KDR: variants seen among roughly 807,000 people sequenced by gnomAD.
The protein encoded by KDR is vascular endothelial growth factor receptor 2.
KDR carries 43 observed loss-of-function variants against 160.9 expected under a neutral mutation model. The ratio of observed to expected loss-of-function variants is 0.27; its 90% confidence interval spans 0.21 to 0.34. The LOEUF (loss-of-function observed/expected upper bound fraction) is 0.34. Ranked by LOEUF, KDR falls within the 10% of genes least tolerant of loss-of-function variation. KDR has a pLI of 1.00. For missense variants in KDR, 1,469 were observed against 1,666.4 expected (o/e 0.88, Z 2.06); for synonymous variants, 617 against 600.1 (o/e 1.03, Z -0.41).
At chr4:55,095,357 G>A (rs1325167447) in intron 20 of KDR, among the ~76,000 whole-genome samples, 2 of 151,964 alleles carry the variant, frequency 1.3e-5, no homozygotes, top group Non-Finnish European at 2.9e-5. Flanking sequence ...TCTCCCCCAT[G>A]TCCACACTCT....
chr4:55,087,562 C>G, intron 27 of KDR, 45 bp downstream of exon 27: 1 of 1,595,360 alleles, frequency 6.3e-7, no homozygotes. Context: ...CCGAGATGGC[C>G]TTGAAGTCAC....
intron 20 of KDR, among the ~76,000 whole-genome samples, chr4:55,095,296 C>A (rs1720122128): frequency 6.6e-6 from 1 of 152,120 alleles, no homozygotes; most frequent in South Asian, 2.1e-4. Context: ...GACAGAATAA[C>A]CCAGAGATGT....
At chr4:55,112,694 A>G (rs1720624436) in intron 7 of KDR, among the ~76,000 whole-genome samples, 1 of 151,948 alleles carries the variant, frequency 6.6e-6, no homozygotes, top group African/African-American at 2.4e-5. Context: ...ACACCAGGCT[A>G]ATTTTTTGGA....
Position 55,125,486 on chromosome 4 carries a change from T to C in KDR, c.-193A>G. ...GTCTGCGGGTGCCGGTAGGAGAGGA[T>C]ATCCAGGCTGCCAGACGGACTTTCT... On this transcript the variant is annotated 5_prime_UTR_variant, in exon 1 of 30. It adds an upstream start codon to the 5' untranslated region. Transcript: ENST00000263923. 1.6e-6 allele frequency: 1 copy of C among 639,716 alleles called. No homozygotes were observed. The highest frequency in any genetic ancestry group is 1.9e-5 in the South Asian group (1 of 53,302). The allele number at this position is 639,716 out of a possible 1,614,324, so 39.6% of individuals were successfully genotyped here. A position where few individuals can be genotyped will look rare whatever the true frequency, so the allele number is the denominator to read the frequency against.
chr4:55,124,880 C>T (rs1720990688), intron 1 of KDR, among the ~76,000 whole-genome samples: 1 of 152,184 alleles, frequency 6.6e-6, no homozygotes, highest in Non-Finnish European at 1.5e-5. Flanking sequence ...CGCCTGTTCT[C>T]GCCTGCGGAG....
rs2110016370 is a variant in KDR, at chr4:55,096,214, C to T, written c.2728+15G>A. The T allele has an allele frequency of 6.5e-7, 1 of 1,538,574 alleles. No homozygotes were observed. Among genetic ancestry groups the T allele is most frequent in the African/African-American group, 1.4e-5 (1 of 73,492 alleles). ...TGTTAAAATTGGGTGACCAAAACCACCCACAGTTACTCACCTCCTGGCTTG... is the reference window on the plus strand; with the variant it reads ...TGTTAAAATTGGGTGACCAAAACCATCCACAGTTACTCACCTCCTGGCTTG... On this transcript the variant is annotated intron_variant, in intron 19 of 29. Transcript: ENST00000263923.
chr4:55,117,168 A>G (rs753750297), intron 3 of KDR, among the ~76,000 whole-genome samples: 7 of 152,218 alleles, frequency 4.6e-5, no homozygotes, highest in Non-Finnish European at 8.8e-5. Context: ...GGTATCTCAA[A>G]AAAAGGAAAT....
At position 55,080,855 on chromosome 4, in the gene KDR, C is replaced by G. The variant is rs1474552060; in HGVS notation, c.3849-692G>C. ...TAAAACTTCAGGATTTACACTTTCA[C>G]AAGCCATTCTAAGGTGTTTTTTCCC... On this transcript the variant is annotated intron_variant, in intron 29 of 29. Coordinates refer to ENST00000263923, the MANE Select transcript of KDR (RefSeq NM_002253.4). Among the ~76,000 whole-genome samples the G allele has an allele frequency of 2.0e-5, 3 of 152,322 alleles. No homozygotes were observed. The East Asian group carries it at 5.8e-4, about 29-fold the overall frequency.
In KDR at chr4:55,089,387, T is replaced by C. The variant is rs1268910399; in HGVS notation, c.3391A>G (p.Thr1131Ala). 4 of 1,607,876 alleles carry C rather than the reference T, an allele frequency of 2.5e-6. No individual in the cohort carries two copies. The South Asian group carries it at 3.3e-5, about 13-fold the overall frequency. ...TTAAAGTCTTACATTTCTGGTGTAG[T>C]ATAATCAGGGGCCCTCATTCTAGTT... ...EGTRMRAPDYTTPEMYQTMLD... is the reference protein window; with the variant it reads ...EGTRMRAPDYATPEMYQTMLD... The change falls in exon 25 of 30, where the codon ACT (threonine) becomes GCT (alanine). Residue 1131 changes from threonine (T) to alanine (A), a missense_variant. Thr to Ala is a moderately conservative substitution (Grantham distance 58, BLOSUM62 0). This residue lies in a region of KDR where 132 missense variants were observed against 195.9 expected (regional missense o/e 0.67). Transcript: ENST00000263923.
intron 26 of KDR, among the ~76,000 whole-genome samples, chr4:55,088,378 G>A (rs1325311956): frequency 6.6e-6 from 1 of 152,200 alleles, no homozygotes; most frequent in Admixed American, 6.5e-5. Context: ...TTCCATTGTA[G>A]TAAGAGGCAT....
At chr4:55,080,957 T>C (rs1719718547) in intron 29 of KDR, among the ~76,000 whole-genome samples, 1 of 152,254 alleles carries the variant, frequency 6.6e-6, no homozygotes, top group South Asian at 2.1e-4. Context: ...TTATACATAG[T>C]TTAAAAGTTA....
chr4:55,103,642 A>C (rs2110022072), intron 13 of KDR, among the ~76,000 whole-genome samples: 1 of 152,224 alleles, frequency 6.6e-6, no homozygotes, highest in South Asian at 2.1e-4. Context: ...ATGACACCTG[A>C]GTCTTAAAAC....
chr4:55,102,978 T>G (rs1343647893), intron 13 of KDR, among the ~76,000 whole-genome samples: 1 of 152,214 alleles, frequency 6.6e-6, no homozygotes, highest in Non-Finnish European at 1.5e-5. Context: ...AGTGATCTTA[T>G]GTAATGAGCA....
chr4:55,113,613 T>G lies in KDR; in HGVS notation c.799-132A>C, dbSNP rs997643020. 4.8e-5 allele frequency: 36 copies of G among 746,792 alleles called. No homozygotes were observed. In the East Asian group the frequency reaches 9.6e-4, roughly 20 times the overall value. 46.3% of individuals were successfully genotyped at this position (746,792 alleles called of 1,614,324 possible). ...TGCTAAAAACAGGGACACCAGAACT[T>G]TTAACCTCATGCAGACAACAAATAT... On this transcript the variant is annotated intron_variant, in intron 6 of 29. Coordinates refer to ENST00000263923, the MANE Select transcript of KDR (RefSeq NM_002253.4).
intron 22 of KDR, 50 bp from the exon 23 acceptor site, chr4:55,090,128 T>G (rs1245877423): frequency 6.2e-7 from 1 of 1,610,126 alleles, no homozygotes; most frequent in South Asian, 1.1e-5. Flanking sequence ...CTGATCTCTT[T>G]CACATCTGTT....
chr4:55,121,315 G>T, intron 1 of KDR, 125 bp from the exon 2 acceptor site: 1 of 705,246 alleles, frequency 1.4e-6, no homozygotes, highest in South Asian at 1.6e-5. Context: ...GTATAAAACT[G>T]GGAATTTACT....
chr4:55,102,065 T>C, intron 14 of KDR, 37 bp from the exon 15 acceptor site: 3 of 1,613,062 alleles, frequency 1.9e-6, no homozygotes, highest in South Asian at 2.2e-5. Flanking sequence ...TCATTTATGA[T>C]GATGTAGTCT....
intron 1 of KDR, among the ~76,000 whole-genome samples, chr4:55,121,543 A>C (rs1720874092): frequency 6.6e-6 from 1 of 152,234 alleles, no homozygotes; most frequent in Non-Finnish European, 1.5e-5. Context: ...GGACCCACTG[A>C]CATTTCTTAT....
At chr4:55,089,884 G>A (rs971866210) in intron 23 of KDR, 72 bp downstream of exon 23, 38 of 1,605,442 alleles carry the variant, frequency 2.4e-5, no homozygotes, top group Non-Finnish European at 3.2e-5. Context: ...CTGAACACAG[G>A]TCCTGAAGCT....
Sources: gnomAD v4.1 joint callset for allele counts (sites outside exome capture counted in the v4.1 genomes callset) on GRCh38, gnomAD v4.1.1 for gene constraint, gnomAD v4.1.1 regional missense constraint, MANE v1.5 for transcripts, NCBI Gene and HGNC (gene_info 2026-07-23, HGNC 2026-07-21) for gene names.